The following LRIG1 variants were observed in gnomAD, a reference collection of about 807,000 sequenced individuals.
The protein encoded by LRIG1 is leucine-rich repeats and immunoglobulin-like domains protein 1.
Under a neutral mutation model 99.2 loss-of-function variants are expected in LRIG1, and 48 were observed. The observed-to-expected ratio is 0.48, with a 90% CI of 0.38 to 0.62. The LOEUF (loss-of-function observed/expected upper bound fraction) is 0.62, where lower values mean the gene tolerates loss of function less well. Ranked by LOEUF, LRIG1 falls within the 20% of genes least tolerant of loss-of-function variation. The pLI is 0.00. For synonymous variants in LRIG1, 772 were observed against 596.1 expected (o/e 1.29, Z -4.30); for missense variants, 1,646 against 1,434.4 (o/e 1.15, Z -2.38).
At chr3:66,400,812 G>A (rs965112245) in intron 9 of LRIG1, among the ~76,000 whole-genome samples, 2 of 152,202 alleles carry the variant, frequency 1.3e-5, no homozygotes, top group African/African-American at 4.8e-5. Context: ...ACGGGCCGCT[G>A]CTTCTTCCTG....
intron 9 of LRIG1, among the ~76,000 whole-genome samples, chr3:66,399,242 A>G (rs1701969049): frequency 6.6e-6 from 1 of 152,204 alleles, no homozygotes; most frequent in Non-Finnish European, 1.5e-5. Flanking sequence ...TCTGAAATGA[A>G]ATACTTTTAT....
At chr3:66,476,968 T>C (rs1575722391) in intron 1 of LRIG1, among the ~76,000 whole-genome samples, 2 of 152,174 alleles carry the variant, frequency 1.3e-5, no homozygotes, top group African/African-American at 4.8e-5. Flanking sequence ...ACGACACACA[T>C]GTGGTCTGTG....
chr3:66,444,535 C>T (rs570307831), intron 3 of LRIG1, among the ~76,000 whole-genome samples: 3 of 152,358 alleles, frequency 2.0e-5, no homozygotes, highest in African/African-American at 7.2e-5. Context: ...TGGGGCTCCC[C>T]CCAGCCCCAT....
intron 1 of LRIG1, among the ~76,000 whole-genome samples, chr3:66,463,081 A>G (rs963793592): frequency 1.3e-5 from 2 of 152,140 alleles, no homozygotes; most frequent in South Asian, 2.1e-4. Flanking sequence ...CAAGCCAAAG[A>G]TGCTGTTAAA....
intron 2 of LRIG1, among the ~76,000 whole-genome samples, chr3:66,459,433 G>C (rs924207605): frequency 6.6e-6 from 1 of 152,186 alleles, no homozygotes; most frequent in Non-Finnish European, 1.5e-5. Context: ...CCCCTCCATC[G>C]TGCATGCCAG....
intron 2 of LRIG1, among the ~76,000 whole-genome samples, chr3:66,457,147 G>A (rs1359958910): frequency 6.6e-6 from 1 of 152,168 alleles, no homozygotes; most frequent in Non-Finnish European, 1.5e-5. Flanking sequence ...CATTCTCAAT[G>A]AGGGCTCCAG....
At chr3:66,385,015 C>CT (rs992963796) in intron 13 of LRIG1, among the ~76,000 whole-genome samples, 4 of 152,158 alleles carry the variant, frequency 2.6e-5, no homozygotes, top group African/African-American at 7.2e-5. Flanking sequence ...TCTGTGGGGG[C>CT]TTAAAGAGCA....
intron 4 of LRIG1, 133 bp from the exon 5 acceptor site, chr3:66,415,196 T>G (rs1276155064): frequency 1.4e-5 from 12 of 854,968 alleles, no homozygotes; most frequent in Non-Finnish European, 2.1e-5. Flanking sequence ...TCCAGTGAGA[T>G]GTTTATCAGC....
chr3:66,438,350 A>G (rs1041945194), intron 3 of LRIG1, among the ~76,000 whole-genome samples: 5 of 152,222 alleles, frequency 3.3e-5, no homozygotes, highest in African/African-American at 1.2e-4. Flanking sequence ...GTTCTCAACT[A>G]GGGATGTGAG....
intron 1 of LRIG1, 77 bp from the exon 2 acceptor site, chr3:66,462,586 C>T: frequency 1.1e-6 from 1 of 940,194 alleles, no homozygotes; most frequent in Non-Finnish European, 1.7e-6. Flanking sequence ...CTTCTCTTCT[C>T]CTGGCTCCCC....
intron 3 of LRIG1, among the ~76,000 whole-genome samples, chr3:66,428,937 C>G (rs528972609): frequency 1.2e-4 from 19 of 152,314 alleles, no homozygotes; most frequent in African/African-American, 4.3e-4. Context: ...AGATTCTCAG[C>G]CTGGCTGCAG....
intron 9 of LRIG1, among the ~76,000 whole-genome samples, chr3:66,404,608 G>T (rs555452878): frequency 6.6e-6 from 1 of 152,110 alleles, no homozygotes; most frequent in African/African-American, 2.4e-5. Context: ...TAATAAAGAG[G>T]TTGCCTAACA....
At chr3:66,498,640 A>G (rs1275754546) in intron 1 of LRIG1, among the ~76,000 whole-genome samples, 1 of 151,960 alleles carries the variant, frequency 6.6e-6, no homozygotes, top group African/African-American at 2.4e-5. Flanking sequence ...CTACCTAAGG[A>G]CAATACTGGG....
chr3:66,435,088 T>C lies in LRIG1; in HGVS notation c.365+16471A>G, dbSNP rs573717301. Among the ~76,000 whole-genome samples, 8 of 152,206 alleles carry C rather than the reference T, an allele frequency of 5.3e-5. 1 individual carries two copies. The South Asian group carries it at 1.7e-3, about 32-fold the overall frequency. ...GTTAAAGTACGGCACATCCATATTA[T>C]GGAATACAACTCTGTGATTAAAAAG... On this transcript the variant is annotated intron_variant, in intron 3 of 18. Transcript: ENST00000273261.
At chr3:66,477,149 C>T (rs1700741692) in intron 1 of LRIG1, among the ~76,000 whole-genome samples, 1 of 152,202 alleles carries the variant, frequency 6.6e-6, no homozygotes, top group Non-Finnish European at 1.5e-5. Context: ...TAATAATTCA[C>T]AAACCAACTA....
chr3:66,424,742 C>T (rs944002307), intron 3 of LRIG1, among the ~76,000 whole-genome samples: 3 of 152,344 alleles, frequency 2.0e-5, no homozygotes, highest in East Asian at 3.9e-4. Context: ...TTCAGCTTAA[C>T]GATTTCTGGA....
chr3:66,448,725 C>A (rs1174489119), intron 3 of LRIG1, among the ~76,000 whole-genome samples: 2 of 152,192 alleles, frequency 1.3e-5, no homozygotes, highest in Admixed American at 1.3e-4. Context: ...ATGGCCTCAG[C>A]AGACATTTGC....
At chr3:66,384,724 G>T (rs1354043004) in intron 13 of LRIG1, among the ~76,000 whole-genome samples, 1 of 151,868 alleles carries the variant, frequency 6.6e-6, no homozygotes, top group Non-Finnish European at 1.5e-5. Context: ...GGGATGAATG[G>T]GATGGCTCAT....
intron 2 of LRIG1, among the ~76,000 whole-genome samples, chr3:66,452,356 G>A (rs373448320): frequency 6.6e-6 from 1 of 152,154 alleles, no homozygotes; most frequent in African/African-American, 2.4e-5. Context: ...GGAAACCCAC[G>A]AACCAAAGCA....
Sources: gnomAD v4.1 joint callset for allele counts (sites outside exome capture counted in the v4.1 genomes callset) on GRCh38, gnomAD v4.1.1 for gene constraint, MANE v1.5 for transcripts, NCBI Gene and HGNC (gene_info 2026-07-23, HGNC 2026-07-21) for gene names.